The following TJP2 variants were observed in gnomAD, a reference collection of about 807,000 sequenced individuals.
TJP2 encodes the protein tight junction protein 2.
Under a neutral mutation model 133.1 loss-of-function variants are expected in TJP2, and 91 were observed. The observed-to-expected ratio is 0.68, with a 90% confidence interval of 0.58 to 0.81. The LOEUF is 0.81. TJP2 is among the 40% of genes least tolerant of loss of function. TJP2 has a pLI of 0.00. For missense variants in TJP2, 1,541 were observed against 1,565.6 expected, an observed-to-expected ratio of 0.98 and a Z score of 0.26; for synonymous variants, 592 against 583.4, an observed-to-expected ratio of 1.01 and a Z score of -0.21.
chr9:69,133,468 G>C (rs1032073773), intron 1 of TJP2, among the ~76,000 whole-genome samples: 2 of 151,964 alleles, frequency 1.3e-5, no homozygotes, highest in Non-Finnish European at 2.9e-5. Context: ...CTGGGCTCAT[G>C]GGTGCACACA....
intron 10 of TJP2, 81 bp from the exon 11 acceptor site, chr9:69,230,001 T>C (rs1829647642): frequency 6.4e-7 from 1 of 1,555,184 alleles, no homozygotes; most frequent in South Asian, 1.1e-5. Context: ...TAGAAGAAAT[T>C]AAATCTCTCA....
intron 3 of TJP2, among the ~76,000 whole-genome samples, chr9:69,217,375 T>C (rs1273165819): frequency 2.0e-5 from 3 of 152,210 alleles, no homozygotes; most frequent in Admixed American, 2.0e-4. Flanking sequence ...TATGGCTGCA[T>C]TGGATAAATA....
At chr9:69,235,697 G>A (rs149515299) in intron 12 of TJP2, among the ~76,000 whole-genome samples, 2 of 152,136 alleles carry the variant, frequency 1.3e-5, no homozygotes, top group Non-Finnish European at 2.9e-5. Context: ...AGGCCCACTC[G>A]CATTGGGGAG....
intron 22 of TJP2, 189 bp from the exon 23 acceptor site, chr9:69,254,020 G>A: frequency 1.5e-6 from 1 of 678,390 alleles, no homozygotes; most frequent in Non-Finnish European, 2.6e-6. Context: ...CCGCCGAAGT[G>A]GGCATTGGAT....
intron 12 of TJP2, 54 bp from the exon 13 acceptor site, chr9:69,235,974 A>T (rs879007133): frequency 6.5e-7 from 1 of 1,532,354 alleles, no homozygotes; most frequent in Non-Finnish European, 9.0e-7. Flanking sequence ...TTGAGTGTCT[A>T]GTACTGTAAC....
intron 1 of TJP2, among the ~76,000 whole-genome samples, chr9:69,137,226 CTTCT>C (rs1390146445): frequency 5.2e-5 from 6 of 116,442 alleles, no homozygotes; most frequent in South Asian, 3.0e-4. Context: ...GTTTTCTTTC[CTTCT>C]TTCTTTCTTT....
intron 6 of TJP2, 83 bp downstream of exon 6, chr9:69,225,490 G>A: frequency 1.1e-6 from 1 of 900,792 alleles, no homozygotes; most frequent in Non-Finnish European, 1.8e-6. Flanking sequence ...CACACAGTGA[G>A]ACTTAGATCC....
chr9:69,195,777 G>A (rs1404931847), intron 1 of TJP2, among the ~76,000 whole-genome samples: 2 of 152,166 alleles, frequency 1.3e-5, no homozygotes, highest in Admixed American at 6.5e-5. Flanking sequence ...AATAAAATCC[G>A]ACTCGACTCC....
At chr9:69,179,282 A>T (rs1825316861) in intron 1 of TJP2, among the ~76,000 whole-genome samples, 1 of 152,246 alleles carries the variant, frequency 6.6e-6, no homozygotes, top group Non-Finnish European at 1.5e-5. Context: ...AAGTTAAATC[A>T]GGTTTTTTAA....
intron 17 of TJP2, among the ~76,000 whole-genome samples, chr9:69,242,487 T>G (rs1283991177): frequency 6.6e-6 from 1 of 152,180 alleles, no homozygotes; most frequent in Non-Finnish European, 1.5e-5. Flanking sequence ...ATAACTCAAG[T>G]CAGAGATTGG....
At chr9:69,195,933 T>A (rs1006346833) in intron 1 of TJP2, among the ~76,000 whole-genome samples, 3 of 152,236 alleles carry the variant, frequency 2.0e-5, no homozygotes, top group African/African-American at 7.2e-5. Flanking sequence ...ATTGGTCTGG[T>A]GCCCAAGCAC....
intron 11 of TJP2, among the ~76,000 whole-genome samples, chr9:69,231,606 G>A (rs1481998511): frequency 6.6e-6 from 1 of 152,030 alleles, no homozygotes; most frequent in Non-Finnish European, 1.5e-5. Flanking sequence ...AAAGCAGGTG[G>A]CCCCCTTCCT....
chr9:69,150,100 A>C (rs1019141257), intron 1 of TJP2, among the ~76,000 whole-genome samples: 2 of 151,934 alleles, frequency 1.3e-5, no homozygotes, highest in Non-Finnish European at 2.9e-5. Flanking sequence ...CAGTGAGCCG[A>C]GATTGTGCCA....
At chr9:69,209,708 C>A (rs1332240160) in intron 1 of TJP2, among the ~76,000 whole-genome samples, 1 of 149,854 alleles carries the variant, frequency 6.7e-6, no homozygotes, top group Non-Finnish European at 1.5e-5. Context: ...GAGCCCAGAT[C>A]GTGCCATTGC....
chr9:69,181,928 C>CAACT (rs765810215), intron 1 of TJP2, among the ~76,000 whole-genome samples: 1 of 152,206 alleles, frequency 6.6e-6, no homozygotes, highest in Admixed American at 6.5e-5. Flanking sequence ...CTTAAGCCAG[C>CAACT]AACTGCAACC....
At chr9:69,230,780 A>G (rs2133347549) in intron 11 of TJP2, among the ~76,000 whole-genome samples, 1 of 152,316 alleles carries the variant, frequency 6.6e-6, no homozygotes, top group Middle Eastern at 3.4e-3. Context: ...AGACCAGGTA[A>G]CACTTACAAG....
At chr9:69,148,616 C>T (rs1172985687) in intron 1 of TJP2, among the ~76,000 whole-genome samples, 6 of 151,884 alleles carry the variant, frequency 4.0e-5, no homozygotes, top group Admixed American at 1.3e-4. Context: ...GTGATCCACC[C>T]GCCTCGGCCT....
intron 1 of TJP2, among the ~76,000 whole-genome samples, chr9:69,130,211 T>C (rs747249255): frequency 9.9e-5 from 15 of 152,128 alleles, no homozygotes; most frequent in Non-Finnish European, 1.9e-4. Context: ...TTCTTAAATA[T>C]CTGTTGTGTT....
At chr9:69,200,535 A>G (rs1411260405) in intron 1 of TJP2, among the ~76,000 whole-genome samples, 4 of 152,196 alleles carry the variant, frequency 2.6e-5, no homozygotes, top group Non-Finnish European at 5.9e-5. Context: ...CTATAGGCAC[A>G]TGCCACTGCA....
Sources: allele counts gnomAD v4.1 joint callset (sites outside exome capture counted in the v4.1 genomes callset), GRCh38; gene constraint gnomAD v4.1.1; transcripts MANE v1.5; gene names NCBI Gene and HGNC (gene_info 2026-07-23, HGNC 2026-07-21).